Variants in PXT1 observed in about 807,000 individuals in gnomAD.
The protein encoded by PXT1 is peroxisomal testis enriched protein 1.
PXT1 carries 11 observed loss-of-function variants against 11.0 expected under a neutral mutation model. The ratio of observed to expected loss-of-function variants is 1.00; its 90% CI spans 0.63 to 1.66. The LOEUF is 1.66. Among genes scored for constraint, PXT1 ranks in the 40% most tolerant of loss-of-function variants. PXT1 has a pLI of 0.00. For synonymous variants in PXT1, 43 were observed against 51.4 expected, an observed-to-expected ratio of 0.84 and a Z score of 0.70; for missense variants, 141 against 155.5, an observed-to-expected ratio of 0.91 and a Z score of 0.49.
chr6:36,404,380 T>C (rs1463120375), intron 3 of PXT1, among the ~76,000 whole-genome samples: 1 of 152,148 alleles, frequency 6.6e-6, no homozygotes, highest in Middle Eastern at 3.2e-3. Context: ...AGGTGTTTGA[T>C]GATGTTGATG....
intron 3 of PXT1, among the ~76,000 whole-genome samples, chr6:36,410,503 A>C: frequency 6.6e-6 from 1 of 151,750 alleles, no homozygotes. Context: ...GAAGAGAGGA[A>C]GGAAGAAAGA....
At chr6:36,403,180 G>A (rs1034179832) in intron 3 of PXT1, among the ~76,000 whole-genome samples, 3 of 152,040 alleles carry the variant, frequency 2.0e-5, no homozygotes, top group Non-Finnish European at 2.9e-5. Flanking sequence ...TAAGCTCCAC[G>A]GGTGGTTCCC....
chr6:36,393,506 G>T (rs1402926576), intron 4 of PXT1: 2 of 152,550 alleles, frequency 1.3e-5, no homozygotes, highest in Admixed American at 1.3e-4. Context: ...AAGGCTGGTG[G>T]ATCACTTGAG....
intron 3 of PXT1, among the ~76,000 whole-genome samples, chr6:36,406,155 AG>A (rs1444596686): frequency 6.6e-6 from 1 of 152,206 alleles, no homozygotes; most frequent in African/African-American, 2.4e-5. Context: ...ACCCCCTTCC[AG>A]GAGAATCTAT....
chr6:36,400,684 G>T (rs1774201506), intron 3 of PXT1, 100 bp from the exon 4 acceptor site: 6 of 1,312,938 alleles, frequency 4.6e-6, no homozygotes, highest in Non-Finnish European at 5.1e-6. Flanking sequence ...AAATGAGAGG[G>T]TTGGCCAGAT....
intron 4 of PXT1, among the ~76,000 whole-genome samples, chr6:36,392,635 T>C (rs1774085775): frequency 6.6e-6 from 1 of 152,168 alleles, no homozygotes; most frequent in South Asian, 2.1e-4. Flanking sequence ...CACTCCAGCC[T>C]GGGCAACAGA....
chr6:36,393,149 A>G (rs1774093766), intron 4 of PXT1: 1 of 151,422 alleles, frequency 6.6e-6, no homozygotes. Context: ...TTTTTTTTGT[A>G]TTTTTAGTAG....
chr6:36,423,229 C>G (rs767655917), intron 3 of PXT1, among the ~76,000 whole-genome samples: 2 of 152,228 alleles, frequency 1.3e-5, no homozygotes, highest in Non-Finnish European at 2.9e-5. Context: ...TGGACCTCCT[C>G]AATCTCCTGC....
intron 2 of PXT1, among the ~76,000 whole-genome samples, chr6:36,426,982 TGAGATGAA>T (rs1030769763): frequency 2.0e-5 from 3 of 151,872 alleles, no homozygotes; most frequent in Non-Finnish European, 2.9e-5. Flanking sequence ...TCAATCCAAA[TGAGATGAA>T]GAATTGCATT....
At chr6:36,424,571 C>T (rs1774575171) in intron 3 of PXT1, among the ~76,000 whole-genome samples, 1 of 152,046 alleles carries the variant, frequency 6.6e-6, no homozygotes, top group Non-Finnish European at 1.5e-5. Flanking sequence ...ACCTGGGAGG[C>T]GGAGCTACAG....
At chr6:36,422,086 TG>T (rs1302106082) in intron 3 of PXT1, among the ~76,000 whole-genome samples, 10 of 152,228 alleles carry the variant, frequency 6.6e-5, no homozygotes, top group African/African-American at 2.2e-4. Context: ...CATATTAGAC[TG>T]TATATTAATA....
At chr6:36,391,999 C>T in intron 4 of PXT1, 125 bp from the exon 5 acceptor site, 1 of 657,544 alleles carries the variant, frequency 1.5e-6, no homozygotes, top group Non-Finnish European at 2.6e-6. Flanking sequence ...AAACAAGCTT[C>T]TTGGGTTGCT....
chr6:36,400,368 G>T, intron 4 of PXT1, 86 bp downstream of exon 4: 1 of 1,446,484 alleles, frequency 6.9e-7, no homozygotes, highest in Non-Finnish European at 9.6e-7. Flanking sequence ...GATAATTCCT[G>T]GGCATCTCAG....
intron 3 of PXT1, among the ~76,000 whole-genome samples, chr6:36,420,331 A>G (rs796265941): frequency 6.6e-6 from 1 of 152,254 alleles, no homozygotes; most frequent in South Asian, 2.1e-4. Context: ...ACACAATGGA[A>G]TACTATGCCA....
At chr6:36,420,828 G>A (rs573855170) in intron 3 of PXT1, among the ~76,000 whole-genome samples, 13 of 152,222 alleles carry the variant, frequency 8.5e-5, no homozygotes, top group South Asian at 2.1e-4. Flanking sequence ...CAAGGTGGGC[G>A]GATCACCTGA....
chr6:36,436,811 A>C (rs1400608801), intron 2 of PXT1, among the ~76,000 whole-genome samples: 1 of 152,200 alleles, frequency 6.6e-6, no homozygotes, highest in African/African-American at 2.4e-5. Context: ...ATTGGGAAAT[A>C]TTTATTAAAT....
intron 3 of PXT1, among the ~76,000 whole-genome samples, chr6:36,407,615 A>G (rs1227004542): frequency 2.0e-5 from 3 of 151,210 alleles, no homozygotes; most frequent in Non-Finnish European, 4.4e-5. Flanking sequence ...CATGTTGCCC[A>G]GGCTGGACTT....
chr6:36,432,297 A>G (rs1774704410), intron 2 of PXT1, among the ~76,000 whole-genome samples: 1 of 152,172 alleles, frequency 6.6e-6, no homozygotes, highest in African/African-American at 2.4e-5. Context: ...CAAAGGTAGT[A>G]AAGAATTCAA....
In PXT1 at chr6:36,424,013, CTG is replaced by C. The variant is rs377643575; in HGVS notation, c.169+1899_169+1900del. On this transcript the variant is annotated intron_variant, in intron 3 of 4. Transcript: ENST00000454782. ...ACCTGCCTCTTCTTTTGAAGTGAAA[CTG>C]TAATTAGGAAAGCATTTGAGGCAAA... 7.9e-4 allele frequency among the ~76,000 whole-genome samples: 121 copies of C among 152,276 alleles called. 1 individual carries two copies. Among genetic ancestry groups the C allele is most frequent in the Middle Eastern group, 3.4e-3 (1 of 294 alleles).
Sources: gnomAD v4.1 joint callset for allele counts (sites outside exome capture counted in the v4.1 genomes callset) on GRCh38, gnomAD v4.1.1 for gene constraint, MANE v1.5 for transcripts, NCBI Gene and HGNC (gene_info 2026-07-23, HGNC 2026-07-21) for gene names.